The following DYNC2H1 variants were observed in gnomAD, a reference collection of about 807,000 sequenced individuals.
DYNC2H1 encodes the protein cytoplasmic dynein 2 heavy chain 1.
In DYNC2H1, 410 loss-of-function variants were observed where a neutral mutation model predicts 570.0. The observed-to-expected ratio is 0.72, with a 90% CI of 0.66 to 0.78. The LOEUF is 0.78. Ranked by LOEUF, DYNC2H1 falls within the 30% of genes least tolerant of loss-of-function variation. The probability of loss-of-function intolerance (pLI) is 0.00; values close to 1 mark genes in which losing one functional copy is unlikely to be tolerated. For synonymous variants in DYNC2H1, 1,688 were observed against 1,677.6 expected (o/e 1.01, Z -0.15); for missense variants, 4,865 against 5,046.4 (o/e 0.96, Z 1.09).
rs1944747958 is a variant in DYNC2H1, at chr11:103,455,262, C to T, written c.12533C>T (p.Thr4178Ile). Residue 4178 changes from threonine (T) to isoleucine (I), a missense_variant, in exon 86 of 89, where the codon ACA (threonine) becomes ATA (isoleucine). Physicochemically the swap from Thr to Ile is moderately conservative, Grantham distance 89. This residue lies in a region of DYNC2H1 where 2,401 missense variants were observed against 2,454.6 expected (regional missense o/e 0.98). Transcript: ENST00000375735. The stretch of plus-strand genomic sequence containing the variant: ...CTATCAGAACTTTTCCATCCAGACA[C>T]ATTTCTTAATGCTCTTCGCCAGGAA... ...LDLSELFHPD[T>I]FLNALRQETA... 6.2e-7 allele frequency: 1 copy of T among 1,613,448 alleles called. No individual in the cohort carries two copies. The highest frequency in any genetic ancestry group is 8.5e-7 in the Non-Finnish European group (1 of 1,179,566).
intron 18 of DYNC2H1, 52 bp downstream of exon 18, chr11:103,143,447 A>T (rs1203711938): frequency 6.6e-7 from 1 of 1,508,638 alleles, no homozygotes; most frequent in Non-Finnish European, 8.8e-7. Flanking sequence ...TTTGACATGG[A>T]CAGTAAGGGA....
At position 103,135,835 on chromosome 11, in the gene DYNC2H1, G is replaced by T; in HGVS notation, c.2461G>T (p.Asp821Tyr). Reference protein sequence around the residue: ...NQFKGVGEAGDESIFSIMIDR... With the variant: ...NQFKGVGEAGYESIFSIMIDR... ...GTTTAAGGGAGTGGGTGAGGCAGGA[G>T]ATGAATCTATTTTTTCTATTATGAT... The change falls in exon 17 of 89, where the codon GAT becomes TAT. Residue 821 changes from aspartate to tyrosine, a missense_variant. Transcript: ENST00000375735. 6.2e-7 allele frequency: 1 copy of T among 1,613,214 alleles called. No homozygotes were observed. The highest frequency in any genetic ancestry group is 8.5e-7 in the Non-Finnish European group (1 of 1,179,570).
intron 82 of DYNC2H1, among the ~76,000 whole-genome samples, chr11:103,354,934 A>G (rs1367127863): frequency 6.6e-6 from 1 of 152,034 alleles, no homozygotes; most frequent in Non-Finnish European, 1.5e-5. Context: ...AGTTCTGGAA[A>G]ATTCACAGAA....
chr11:103,228,929 G>T lies in DYNC2H1; in HGVS notation c.9354-2331G>T, dbSNP rs1863899047. 1.3e-5 allele frequency among the ~76,000 whole-genome samples: 2 copies of T among 152,052 alleles called. No homozygotes were observed. The highest frequency in any genetic ancestry group is 1.3e-4 in the Admixed American group (2 of 15,254). On this transcript the variant is annotated intron_variant, in intron 59 of 88. Coordinates refer to ENST00000375735, the MANE Select transcript of DYNC2H1 (RefSeq NM_001377.3). The surrounding 1 kb of genome is among the most constrained non-coding windows in gnomAD (Gnocchi z 6.1). ...GTTGTGGCTGCTGTGGGGGAGGGGG[G>T]TGTGGTTTCCAGTCCAATGTAATTA...
chr11:103,269,780 C>T (rs1439958344), intron 70 of DYNC2H1, among the ~76,000 whole-genome samples: 1 of 152,034 alleles, frequency 6.6e-6, no homozygotes, highest in East Asian at 1.9e-4. Flanking sequence ...TATAATAAAA[C>T]AATTTTTATA....
chr11:103,191,707 C>A, intron 46 of DYNC2H1, 88 bp downstream of exon 46: 1 of 547,928 alleles, frequency 1.8e-6, no homozygotes, highest in South Asian at 6.6e-5. Context: ...AAGTTAAATG[C>A]GTATTATATC....
intron 83 of DYNC2H1, among the ~76,000 whole-genome samples, chr11:103,360,667 A>G (rs1055176893): frequency 1.3e-5 from 2 of 152,150 alleles, no homozygotes; most frequent in African/African-American, 4.8e-5. Context: ...GAATATTTTA[A>G]TGAGTACGTA....
intron 75 of DYNC2H1, among the ~76,000 whole-genome samples, chr11:103,297,397 C>T (rs554786435): frequency 1.3e-5 from 2 of 152,170 alleles, no homozygotes; most frequent in South Asian, 4.2e-4. Flanking sequence ...AAAGTACAGT[C>T]GTGTTGTTTA....
At chr11:103,278,684 G>A (rs1317017228) in intron 70 of DYNC2H1, among the ~76,000 whole-genome samples, 2 of 151,906 alleles carry the variant, frequency 1.3e-5, no homozygotes, top group African/African-American at 4.8e-5. Context: ...CTCCTGCCTC[G>A]GCCTCCTGAG....
chr11:103,307,916 T>C, intron 78 of DYNC2H1, 85 bp downstream of exon 78: 1 of 633,020 alleles, frequency 1.6e-6, no homozygotes, highest in African/African-American at 1.9e-5. Context: ...ACAACTATTA[T>C]ACAGAACACA....
At chr11:103,428,992 G>T (rs1249703734) in intron 84 of DYNC2H1, among the ~76,000 whole-genome samples, 5 of 152,064 alleles carry the variant, frequency 3.3e-5, no homozygotes, top group Admixed American at 3.3e-4. Context: ...TGGGCGCAGT[G>T]GCTCACGCCT....
At chr11:103,273,354 A>C (rs922033204) in intron 70 of DYNC2H1, among the ~76,000 whole-genome samples, 2 of 151,864 alleles carry the variant, frequency 1.3e-5, no homozygotes, top group African/African-American at 4.8e-5. Flanking sequence ...ATGGGCGGCT[A>C]CTTTTTGTAC....
intron 13 of DYNC2H1, among the ~76,000 whole-genome samples, chr11:103,131,374 A>G (rs970961227): frequency 9.2e-5 from 14 of 152,066 alleles, no homozygotes; most frequent in African/African-American, 3.4e-4. Context: ...GCTCACTGCA[A>G]GCTCTCCCGG....
intron 70 of DYNC2H1, among the ~76,000 whole-genome samples, chr11:103,263,073 C>CA (rs1201841104): frequency 1.6e-5 from 2 of 123,626 alleles, no homozygotes; most frequent in African/African-American, 6.0e-5. Context: ...TAGTCTCTGA[C>CA]AAAACAGACT....
At chr11:103,394,273 A>C (rs1482237514) in intron 83 of DYNC2H1, among the ~76,000 whole-genome samples, 1 of 152,168 alleles carries the variant, frequency 6.6e-6, no homozygotes, top group Non-Finnish European at 1.5e-5. Context: ...TGCTATGAAA[A>C]GGAATACGGA....
intron 84 of DYNC2H1, chr11:103,405,253 GGAGA>G (rs1476772583): frequency 6.6e-6 from 1 of 151,816 alleles, no homozygotes; most frequent in East Asian, 1.9e-4. Flanking sequence ...GCTAGAACTG[GGAGA>G]GAAAGGAGGA....
chr11:103,351,896 T>A (rs1029369417), intron 82 of DYNC2H1, among the ~76,000 whole-genome samples: 7 of 152,170 alleles, frequency 4.6e-5, no homozygotes, highest in Admixed American at 2.6e-4. Flanking sequence ...TTTGAGATAG[T>A]ATTTTTAACT....
At chr11:103,292,409 C>T (rs1469925589) in intron 75 of DYNC2H1, among the ~76,000 whole-genome samples, 1 of 152,190 alleles carries the variant, frequency 6.6e-6, no homozygotes, top group Non-Finnish European at 1.5e-5. Context: ...AATTCCCTTT[C>T]CCCCATTTTG....
chr11:103,245,310 A>G lies in DYNC2H1; in HGVS notation c.9978A>G (p.Ile3326Met). ...TACGTTTTGGGAAAACCCTTATTAT[A>G]CAAGAGATGGATGGTGTAGAACCTG... ...LAVRFGKTLIIQEMDGVEPVL... is the reference protein window; with the variant it reads ...LAVRFGKTLIMQEMDGVEPVL... Residue 3326 changes from isoleucine (I) to methionine (M), a missense_variant, in exon 65 of 89, where the codon ATA (isoleucine) becomes ATG (methionine). Ile to Met is a conservative substitution (Grantham distance 10, BLOSUM62 1). Transcript: ENST00000375735. This position sits in a 1 kb window ranked among gnomAD's most constrained non-coding sequence, Gnocchi z 4.5. 6.4e-7 allele frequency: 1 copy of G among 1,566,684 alleles called. No homozygotes were observed. The highest frequency in any genetic ancestry group is 8.7e-7 in the Non-Finnish European group (1 of 1,154,534).
Sources: allele counts gnomAD v4.1 joint callset (sites outside exome capture counted in the v4.1 genomes callset), GRCh38; gene constraint gnomAD v4.1.1; regional missense constraint gnomAD v4.1.1; non-coding constraint Gnocchi (gnomAD v3.1); transcripts MANE v1.5; gene names NCBI Gene and HGNC (gene_info 2026-07-23, HGNC 2026-07-21).